COL28A1: variants seen among roughly 807,000 people sequenced by gnomAD.
COL28A1 encodes the protein collagen alpha-1(XXVIII) chain.
Under a neutral mutation model 150.2 loss-of-function variants are expected in COL28A1, and 161 were observed. The observed-to-expected ratio is 1.07, with a 90% CI of 0.94 to 1.22. COL28A1 has a LOEUF of 1.22. Ranked by LOEUF, COL28A1 falls within the 50% of genes most tolerant of loss-of-function variation. COL28A1 has a pLI of 0.00. For missense variants in COL28A1, 1,617 were observed against 1,388.3 expected, an observed-to-expected ratio of 1.16 and a Z score of -2.62; for synonymous variants, 552 against 469.7, an observed-to-expected ratio of 1.18 and a Z score of -2.26.
intron 33 of COL28A1, 125 bp from the exon 34 acceptor site, chr7:7,360,653 C>A: frequency 1.3e-6 from 1 of 795,452 alleles, no homozygotes. Context: ...CTGATACTAA[C>A]TATTTCAAAT....
chr7:7,481,022 T>C (rs1583472592), intron 13 of COL28A1, among the ~76,000 whole-genome samples: 1 of 152,254 alleles, frequency 6.6e-6, no homozygotes, highest in Non-Finnish European at 1.5e-5. Flanking sequence ...TCTGCCATCA[T>C]TATCCAAATT....
At chr7:7,393,552 A>G (rs1782667326) in intron 27 of COL28A1, among the ~76,000 whole-genome samples, 1 of 152,218 alleles carries the variant, frequency 6.6e-6, no homozygotes, top group African/African-American at 2.4e-5. Context: ...AGCTGCACCC[A>G]CAGTCTCCCC....
At chr7:7,399,389 A>G (rs1223594168) in intron 27 of COL28A1, among the ~76,000 whole-genome samples, 1 of 152,148 alleles carries the variant, frequency 6.6e-6, no homozygotes, top group Admixed American at 6.5e-5. Context: ...CTCACATCCT[A>G]TCTGTCCTAC....
chr7:7,363,663 G>A (rs1780785867), intron 33 of COL28A1, among the ~76,000 whole-genome samples: 2 of 151,808 alleles, frequency 1.3e-5, no homozygotes, highest in Admixed American at 6.6e-5. Flanking sequence ...TTTTTTCTAG[G>A]TGCATATCCA....
chr7:7,380,323 G>A (rs777903673), intron 30 of COL28A1, among the ~76,000 whole-genome samples: 17 of 152,106 alleles, frequency 1.1e-4, no homozygotes, highest in Non-Finnish European at 1.9e-4. Context: ...AAAATGAGAC[G>A]AACCACATAA....
chr7:7,414,005 G>C (rs1044191900), intron 27 of COL28A1, among the ~76,000 whole-genome samples: 1 of 152,208 alleles, frequency 6.6e-6, no homozygotes, highest in Non-Finnish European at 1.5e-5. Flanking sequence ...TGTCAGGGCT[G>C]ATCAGGACAC....
intron 16 of COL28A1, among the ~76,000 whole-genome samples, chr7:7,453,842 G>A (rs373084523): frequency 1.3e-5 from 2 of 150,032 alleles, no homozygotes; most frequent in South Asian, 2.1e-4. Flanking sequence ...AAAAGAAGAG[G>A]TATGCCTTCT....
At chr7:7,354,155 G>A (rs996649510), downstream of COL28A1, among the ~76,000 whole-genome samples, 2 of 151,960 alleles carry the variant, frequency 1.3e-5, no homozygotes, top group African/African-American at 2.4e-5. Flanking sequence ...ATGATGTATG[G>A]CTAATTTTTT....
At chr7:7,458,983 G>A (rs186250973) in intron 15 of COL28A1, among the ~76,000 whole-genome samples, 6 of 152,286 alleles carry the variant, frequency 3.9e-5, no homozygotes, top group East Asian at 3.9e-4. Context: ...TATCAGAGGC[G>A]TGTTTATATT....
At chr7:7,508,224 T>C (rs1780929272) in intron 9 of COL28A1, among the ~76,000 whole-genome samples, 1 of 150,078 alleles carries the variant, frequency 6.7e-6, no homozygotes, top group African/African-American at 2.5e-5. Context: ...AGAGCGAGAC[T>C]CTGTCTCAAA....
intron 33 of COL28A1, 133 bp downstream of exon 33, chr7:7,370,592 C>T (rs1435552433): frequency 1.8e-6 from 1 of 568,436 alleles, no homozygotes; most frequent in Non-Finnish European, 3.0e-6. Context: ...AAGATACTAA[C>T]ATTTAGAGCC....
chr7:7,446,931 T>C (rs1786306748), intron 18 of COL28A1, among the ~76,000 whole-genome samples: 1 of 152,142 alleles, frequency 6.6e-6, no homozygotes, highest in African/African-American at 2.4e-5. Flanking sequence ...TTCAGCTGAA[T>C]ATTGCTCAGT....
intron 7 of COL28A1, among the ~76,000 whole-genome samples, chr7:7,516,100 C>T (rs904196084): frequency 2.0e-5 from 3 of 152,268 alleles, no homozygotes; most frequent in Admixed American, 6.5e-5. Flanking sequence ...AGTTTCTTGC[C>T]CTTTGGCCCA....
intron 31 of COL28A1, among the ~76,000 whole-genome samples, chr7:7,374,038 A>AAAAAAAAAATATATATATATATAT: frequency 1.1e-4 from 12 of 113,620 alleles, no homozygotes; most frequent in African/African-American, 3.4e-4. Flanking sequence ...AAAAAAAAAA[A>AAAAAAAAAATATATATATATATAT]ATATATATAT....
At chr7:7,516,953 A>C (rs937322856) in intron 7 of COL28A1, among the ~76,000 whole-genome samples, 1 of 152,140 alleles carries the variant, frequency 6.6e-6, no homozygotes, top group Non-Finnish European at 1.5e-5. Flanking sequence ...TGTGTGGTCA[A>C]TGAGGAATAG....
chr7:7,360,341 G>A (rs1780579735), intron 34 of COL28A1, 49 bp downstream of exon 34: 1 of 1,488,602 alleles, frequency 6.7e-7, no homozygotes. Context: ...CCAAATCTGT[G>A]CACAAGACTG....
At chr7:7,495,010 G>T (rs1360197942) in intron 11 of COL28A1, among the ~76,000 whole-genome samples, 1 of 152,080 alleles carries the variant, frequency 6.6e-6, no homozygotes, top group Non-Finnish European at 1.5e-5. Context: ...AGCCCAACAG[G>T]CCGGAAACAA....
At chr7:7,534,638 A>T (rs1487166138) in intron 1 of COL28A1, among the ~76,000 whole-genome samples, 1 of 152,178 alleles carries the variant, frequency 6.6e-6, no homozygotes, top group Admixed American at 6.5e-5. Context: ...CAACTCTTCA[A>T]AACCCTTCAT....
chr7:7,376,323 A>G (rs1781539992), intron 30 of COL28A1, among the ~76,000 whole-genome samples: 1 of 152,254 alleles, frequency 6.6e-6, no homozygotes, highest in South Asian at 2.1e-4. Flanking sequence ...TGCAAAAGTA[A>G]AATTTTTAAG....
Sources: gnomAD v4.1 joint callset for allele counts (sites outside exome capture counted in the v4.1 genomes callset) on GRCh38, gnomAD v4.1.1 for gene constraint, MANE v1.5 for transcripts, NCBI Gene and HGNC (gene_info 2026-07-23, HGNC 2026-07-21) for gene names.